SGMS1: variants seen among roughly 807,000 people sequenced by gnomAD.
The protein encoded by SGMS1 is phosphatidylcholine:ceramide cholinephosphotransferase 1.
A neutral mutation model predicts 46.2 loss-of-function variants in SGMS1; 13 were observed. That is an observed-to-expected ratio of 0.28 (90% CI 0.18 to 0.45). The LOEUF (loss-of-function observed/expected upper bound fraction) is 0.45. Ranked by LOEUF, SGMS1 falls within the 20% of genes least tolerant of loss-of-function variation. The probability of loss-of-function intolerance (pLI) is 1.00; values close to 1 mark genes in which losing one functional copy is unlikely to be tolerated. For synonymous variants in SGMS1, 203 were observed against 187.8 expected (o/e 1.08, Z -0.66); for missense variants, 324 against 519.9 (o/e 0.62, Z 3.66).
At chr10:50,554,664 T>C (rs2133837065) in intron 2 of SGMS1, among the ~76,000 whole-genome samples, 1 of 152,096 alleles carries the variant, frequency 6.6e-6, no homozygotes, top group South Asian at 2.1e-4. Flanking sequence ...TCATCTAAAA[T>C]GATTGGCTTT....
chr10:50,310,818 G>A (rs1446607302), intron 9 of SGMS1, among the ~76,000 whole-genome samples: 1 of 152,184 alleles, frequency 6.6e-6, no homozygotes, highest in African/African-American at 2.4e-5. Context: ...GTTGAGGACA[G>A]GGATGAGTCT....
chr10:50,392,687 A>G (rs1848790436), intron 6 of SGMS1, among the ~76,000 whole-genome samples: 1 of 152,236 alleles, frequency 6.6e-6, no homozygotes, highest in South Asian at 2.1e-4. Context: ...CAACAGACAA[A>G]AGGTAAATAA....
intron 2 of SGMS1, among the ~76,000 whole-genome samples, chr10:50,539,197 T>G (rs1312979849): frequency 6.6e-6 from 1 of 152,220 alleles, no homozygotes; most frequent in African/African-American, 2.4e-5. Context: ...ACTGCTGGAC[T>G]GAGGAGATCT....
chr10:50,398,514 C>T (rs371957317), intron 6 of SGMS1, among the ~76,000 whole-genome samples: 11 of 152,098 alleles, frequency 7.2e-5, no homozygotes, highest in South Asian at 2.1e-4. Flanking sequence ...CTAACAATAC[C>T]GGTGTTGTAA....
chr10:50,455,272 C>A (rs184266684), intron 5 of SGMS1, among the ~76,000 whole-genome samples: 64 of 152,258 alleles, frequency 4.2e-4, no homozygotes, highest in Non-Finnish European at 8.7e-4. Context: ...ACAGCTCAGG[C>A]CCTATTTGAC....
intron 6 of SGMS1, among the ~76,000 whole-genome samples, chr10:50,349,875 T>C (rs1313275140): frequency 6.6e-6 from 1 of 152,188 alleles, no homozygotes; most frequent in Non-Finnish European, 1.5e-5. Context: ...ATCAGCAGCA[T>C]GAAAACAAAC....
At chr10:50,493,384 T>C (rs908919492) in intron 3 of SGMS1, among the ~76,000 whole-genome samples, 6 of 152,090 alleles carry the variant, frequency 3.9e-5, no homozygotes, top group Non-Finnish European at 7.3e-5. Context: ...ACCTAGGCAA[T>C]ACCATTCAGG....
chr10:50,605,342 T>C (rs949781740), intron 1 of SGMS1, among the ~76,000 whole-genome samples: 1 of 152,228 alleles, frequency 6.6e-6, no homozygotes, highest in Non-Finnish European at 1.5e-5. Context: ...GCTGCCACAG[T>C]GAGACAGGCT....
chr10:50,504,967 C>T (rs1468783265), intron 3 of SGMS1, among the ~76,000 whole-genome samples: 1 of 152,090 alleles, frequency 6.6e-6, no homozygotes, highest in Non-Finnish European at 1.5e-5. Context: ...CGCCTGTAAC[C>T]CCAGTACTTT....
At chr10:50,457,569 T>C (rs1328134645) in intron 5 of SGMS1, among the ~76,000 whole-genome samples, 2 of 151,932 alleles carry the variant, frequency 1.3e-5, no homozygotes. Context: ...AATCCATGCC[T>C]CCCCCACCCT....
intron 8 of SGMS1, among the ~76,000 whole-genome samples, chr10:50,318,495 G>A (rs1337111391): frequency 6.6e-6 from 1 of 152,152 alleles, no homozygotes; most frequent in African/African-American, 2.4e-5. Context: ...CCATCTTTTG[G>A]GGGGTTCTTA....
intron 4 of SGMS1, among the ~76,000 whole-genome samples, chr10:50,466,092 A>G (rs906551468): frequency 4.6e-5 from 7 of 152,188 alleles, no homozygotes; most frequent in Admixed American, 2.0e-4. Context: ...TAAGTCTAAG[A>G]TTTTAAAAGG....
In SGMS1 at chr10:50,307,234, T is replaced by A. The variant is rs754890090; in HGVS notation, c.1150A>T (p.Ile384Phe). ...GGCCAATGGTAAGATCGAGGTACAA[T>A]TCCTTGGACATTCTTTTCAAAGTAC... Reference protein sequence around the residue: ...FQYFEKNVQGIVPRSYHWPFP... With the variant: ...FQYFEKNVQGFVPRSYHWPFP... Residue 384 changes from isoleucine (I) to phenylalanine (F), a missense_variant, in exon 11 of 11, where the codon ATT (isoleucine) becomes TTT (phenylalanine). Physicochemically the swap from Ile to Phe is conservative, Grantham distance 21 (BLOSUM62 0). Transcript: ENST00000361781. This position sits in a 1 kb window ranked among gnomAD's most constrained non-coding sequence, Gnocchi z 4.2. 1 of 1,613,972 alleles carries A rather than the reference T, an allele frequency of 6.2e-7. No individual in the cohort carries two copies. The highest frequency in any genetic ancestry group is 8.5e-7 in the Non-Finnish European group (1 of 1,179,984).
At chr10:50,623,469 C>T (rs957730865) in intron 1 of SGMS1, 7 of 628,962 alleles carry the variant, frequency 1.1e-5, no homozygotes, top group Non-Finnish European at 1.4e-5. Context: ...GCGGCCCGCC[C>T]CCTCCGAGCC....
intron 3 of SGMS1, among the ~76,000 whole-genome samples, chr10:50,491,267 TC>T (rs1329186852): frequency 6.6e-6 from 1 of 152,138 alleles, no homozygotes; most frequent in East Asian, 1.9e-4. Flanking sequence ...GGAAGGAGGA[TC>T]CTCGAGCCCC....
At chr10:50,348,557 C>T (rs962303556) in intron 6 of SGMS1, among the ~76,000 whole-genome samples, 6 of 152,014 alleles carry the variant, frequency 3.9e-5, no homozygotes, top group African/African-American at 1.4e-4. Flanking sequence ...GAGTGAACTC[C>T]CATTCACAAT....
intron 3 of SGMS1, among the ~76,000 whole-genome samples, chr10:50,475,367 A>T (rs1837411615): frequency 6.6e-6 from 1 of 152,188 alleles, no homozygotes. Context: ...TCATTAACTG[A>T]ACTGAATGAA....
At chr10:50,428,547 C>G (rs956638077) in intron 6 of SGMS1, among the ~76,000 whole-genome samples, 24 of 152,162 alleles carry the variant, frequency 1.6e-4, no homozygotes, top group Admixed American at 1.3e-3. Flanking sequence ...TTTCTTCCCC[C>G]CGTAATGATA....
chr10:50,482,714 T>C (rs1188148693), intron 3 of SGMS1, among the ~76,000 whole-genome samples: 1 of 152,086 alleles, frequency 6.6e-6, no homozygotes, highest in Non-Finnish European at 1.5e-5. Context: ...AACACTACTA[T>C]CCTTAAATGT....
Sources: gnomAD v4.1 joint callset for allele counts (sites outside exome capture counted in the v4.1 genomes callset) on GRCh38, gnomAD v4.1.1 for gene constraint, Gnocchi (gnomAD v3.1) non-coding constraint, MANE v1.5 for transcripts, NCBI Gene and HGNC (gene_info 2026-07-23, HGNC 2026-07-21) for gene names.